Variants in RAPGEF2 observed in about 807,000 individuals in gnomAD.
RAPGEF2 encodes the protein PDZ domain containing guanine nucleotide exchange factor (GEF) 1.
A neutral mutation model predicts 186.7 loss-of-function variants in RAPGEF2; 54 were observed. The ratio of observed to expected loss-of-function variants is 0.29; its 90% CI spans 0.23 to 0.36. The LOEUF (loss-of-function observed/expected upper bound fraction) is 0.36. Among genes scored for constraint, RAPGEF2 ranks in the 10% least tolerant of loss-of-function variants. The pLI is 1.00. For missense variants in RAPGEF2, 1,532 were observed against 2,045.0 expected, an observed-to-expected ratio of 0.75 and a Z score of 4.84; for synonymous variants, 712 against 705.9, an observed-to-expected ratio of 1.01 and a Z score of -0.14.
chr4:159,261,280 T>C (rs1044859005), intron 7 of RAPGEF2, among the ~76,000 whole-genome samples: 6 of 150,028 alleles, frequency 4.0e-5, no homozygotes, highest in Non-Finnish European at 8.9e-5. Flanking sequence ...GCCAGGATGG[T>C]CTCCATCTCC....
chr4:159,265,367 T>A (rs1757316630), intron 7 of RAPGEF2, among the ~76,000 whole-genome samples: 1 of 152,168 alleles, frequency 6.6e-6, no homozygotes, highest in Non-Finnish European at 1.5e-5. Flanking sequence ...AACATGAGAT[T>A]TCTGAGGGTA....
chr4:159,171,854 G>A (rs1028445554), intron 1 of RAPGEF2, among the ~76,000 whole-genome samples: 5 of 152,126 alleles, frequency 3.3e-5, no homozygotes, highest in African/African-American at 9.7e-5. Flanking sequence ...TCAGAGACAA[G>A]TGTCCCAAGT....
chr4:159,204,325 G>C (rs1749746571), intron 3 of RAPGEF2, among the ~76,000 whole-genome samples: 1 of 152,222 alleles, frequency 6.6e-6, no homozygotes, highest in South Asian at 2.1e-4. Flanking sequence ...GGGATGTAGA[G>C]GGTAGATGGA....
intron 1 of RAPGEF2, among the ~76,000 whole-genome samples, chr4:159,157,938 T>G (rs1041471056): frequency 2.0e-5 from 3 of 152,096 alleles, no homozygotes; most frequent in African/African-American, 7.2e-5. Context: ...TTTGAGGAAT[T>G]GGGGTAGGGA....
chr4:159,105,114 G>A (rs1266179718), intron 1 of RAPGEF2, among the ~76,000 whole-genome samples: 1 of 152,204 alleles, frequency 6.6e-6, no homozygotes, highest in East Asian at 1.9e-4. Context: ...TTTTACTGGA[G>A]AGGGGGAAAT....
In RAPGEF2 at chr4:159,300,933, A is replaced by G. The variant is rs144765685; in HGVS notation, c.544-3409A>G. 6.3e-3 allele frequency among the ~76,000 whole-genome samples: 958 copies of G among 152,212 alleles called. 15 individuals are homozygous for G. The highest frequency in any genetic ancestry group is 0.022 in the African/African-American group (897 of 41,510). On this transcript the variant is annotated intron_variant, in intron 7 of 29. Transcript: ENST00000691494. ...GGTTTGTTTGCCTCCTAGAAACTCC[A>G]TTTTTCCTAGGCATGGGCTCAGGCC...
At chr4:159,258,452 C>T (rs925608073) in intron 7 of RAPGEF2, among the ~76,000 whole-genome samples, 13 of 152,018 alleles carry the variant, frequency 8.6e-5, no homozygotes, top group East Asian at 3.9e-4. Context: ...AAGCATTTCC[C>T]GTCTGGAATG....
intron 1 of RAPGEF2, among the ~76,000 whole-genome samples, chr4:159,126,515 T>G (rs1740312729): frequency 6.7e-6 from 1 of 149,500 alleles, no homozygotes; most frequent in African/African-American, 2.4e-5. Flanking sequence ...ATTTATTCTA[T>G]CTCCTGTCCA....
At chr4:159,136,021 CA>C (rs2111147646) in intron 1 of RAPGEF2, among the ~76,000 whole-genome samples, 1 of 152,314 alleles carries the variant, frequency 6.6e-6, no homozygotes. Context: ...GTACATTTGT[CA>C]AAAGTAAGAC....
chr4:159,322,587 C>A, intron 10 of RAPGEF2, 104 bp downstream of exon 10: 1 of 891,984 alleles, frequency 1.1e-6, no homozygotes, highest in African/African-American at 1.7e-5. Context: ...TAATACCCAA[C>A]AACAGTAAGT....
At chr4:159,351,288 T>G in intron 26 of RAPGEF2, 1 of 1,292,814 alleles carries the variant, frequency 7.7e-7, no homozygotes, top group Non-Finnish European at 1.0e-6. Flanking sequence ...TCTGAGTGAT[T>G]TATTTTTCTG....
intron 7 of RAPGEF2, among the ~76,000 whole-genome samples, chr4:159,265,809 G>C (rs1225123677): frequency 6.6e-6 from 1 of 152,214 alleles, no homozygotes; most frequent in East Asian, 1.9e-4. Context: ...GGAGTGGGAT[G>C]ATAACAGCAA....
At chr4:159,247,997 A>G (rs934042490) in intron 7 of RAPGEF2, among the ~76,000 whole-genome samples, 17 of 151,750 alleles carry the variant, frequency 1.1e-4, no homozygotes, top group African/African-American at 4.1e-4. Flanking sequence ...CCCAACCTCA[A>G]TTGATCCACC....
intron 8 of RAPGEF2, 99 bp downstream of exon 8, chr4:159,304,572 A>T: frequency 2.2e-5 from 25 of 1,130,390 alleles, no homozygotes; most frequent in Non-Finnish European, 2.4e-5. Context: ...ATATATGTGT[A>T]TATTACATGT....
Position 159,352,919 on chromosome 4 carries a change from C to T in RAPGEF2, c.4091+9C>T, listed in dbSNP as rs1323567154. ...GATCAGTATAGCTTGGGGTAGGTGG[C>T]TCTTTTTAATATTCTTCTGAATTTA... is the stretch of plus-strand genomic sequence containing the variant. On this transcript the variant is annotated intron_variant, in intron 27 of 29. Coordinates refer to ENST00000691494, the MANE Select transcript of RAPGEF2 (RefSeq NM_001394067.2). 1 of 1,597,862 alleles carries T rather than the reference C, an allele frequency of 6.3e-7. No individual in the cohort carries two copies. The highest frequency in any genetic ancestry group is 2.2e-5 in the East Asian group (1 of 44,728).
Position 159,350,251 on chromosome 4 carries a change from C to A in RAPGEF2, c.3827C>A (p.Ser1276Tyr). The A allele has an allele frequency of 1.3e-6, 2 of 1,599,236 alleles. No homozygotes were observed. Among genetic ancestry groups the A allele is most frequent in the Non-Finnish European group, 1.7e-6 (2 of 1,173,608 alleles). Residue 1276 changes from serine (S) to tyrosine (Y), a missense_variant, in exon 26 of 30, where the codon TCT becomes TAT. Physicochemically the swap from Ser to Tyr is moderately radical, Grantham distance 144 (BLOSUM62 -2). This residue lies in a region of RAPGEF2 where 594 missense variants were observed against 608.5 expected (regional missense o/e 0.98). Transcript: ENST00000691494. ...ATATCAAATGCATCTTCGCAGCTTT[C>A]TTCTCCTCCTACTTCTCCACAGAGT... Reference protein sequence around the residue: ...DTISNASSQLSSPPTSPQSSP... With the variant: ...DTISNASSQLYSPPTSPQSSP...
intron 1 of RAPGEF2, among the ~76,000 whole-genome samples, chr4:159,106,507 A>G (rs1426093631): frequency 1.3e-5 from 2 of 152,226 alleles, no homozygotes; most frequent in Non-Finnish European, 2.9e-5. Flanking sequence ...TGTCTTATAA[A>G]TGTTTGTGAG....
Position 159,216,926 on chromosome 4 carries a change from G to T in RAPGEF2, c.281+6343G>T, listed in dbSNP as rs954989542. On this transcript the variant is annotated intron_variant, in intron 4 of 29. Transcript: ENST00000691494. ...GAGAAACAGGACATTTAACTAATCA[G>T]TTTGGAGAGGCTGAAATACTATTCT... Among the ~76,000 whole-genome samples the T allele has an allele frequency of 6.6e-5, 10 of 152,228 alleles. No homozygotes were observed. The South Asian group carries it at 1.7e-3, about 25-fold the overall frequency.
At chr4:159,338,820 CTCTGGATTTAAATTTT>C (rs2111247535) in intron 18 of RAPGEF2, among the ~76,000 whole-genome samples, 1 of 152,246 alleles carries the variant, frequency 6.6e-6, no homozygotes, top group South Asian at 2.1e-4. Flanking sequence ...TAAAGATTAA[CTCTGGATTTAAATTTT>C]ATTTCTTTGA....
Sources: allele counts gnomAD v4.1 joint callset (sites outside exome capture counted in the v4.1 genomes callset), GRCh38; gene constraint gnomAD v4.1.1; regional missense constraint gnomAD v4.1.1; transcripts MANE v1.5; gene names NCBI Gene and HGNC (gene_info 2026-07-23, HGNC 2026-07-21).